Variants in KATNAL2 observed in about 807,000 individuals in gnomAD.
KATNAL2 encodes the protein katanin p60 ATPase-containing subunit A-like 2.
KATNAL2 carries 52 observed loss-of-function variants against 76.3 expected under a neutral mutation model. That is an observed-to-expected ratio of 0.68 (90% CI 0.55 to 0.86). The LOEUF (loss-of-function observed/expected upper bound fraction) is 0.86, where lower values mean the gene tolerates loss of function less well. KATNAL2 is among the 40% of genes least tolerant of loss of function. The probability of loss-of-function intolerance (pLI) is 0.00; values close to 1 mark genes in which losing one functional copy is unlikely to be tolerated. For synonymous variants in KATNAL2, 243 were observed against 244.2 expected, an observed-to-expected ratio of 1.00 and a Z score of 0.05; for missense variants, 660 against 668.9, an observed-to-expected ratio of 0.99 and a Z score of 0.15.
In KATNAL2 at chr18:47,046,478, C is replaced by G. The variant is rs932705286; in HGVS notation, c.73C>G (p.Arg25Gly). 3 of 1,535,858 alleles carry G rather than the reference C, an allele frequency of 2.0e-6. No homozygotes were observed. The highest frequency in any genetic ancestry group is 2.6e-6 in the Non-Finnish European group (3 of 1,146,750). The change falls in exon 4 of 18, where the codon CGA becomes GGA. Residue 25 changes from arginine to glycine, a missense_variant. By Grantham distance (125) the Arg-to-Gly change is moderately radical. Coordinates refer to ENST00000683218, the MANE Select transcript of KATNAL2 (RefSeq NM_001387690.1). ...CCAGTGCGAGATGAGGACAGAAGCA[C>G]GACGAAAAAATCTTCTCATTTTGAT... ...REACEMRTEA[R>G]RKNLLILISH...
chr18:46,935,429 C>T (rs998876548), intron 1 of KATNAL2, among the ~76,000 whole-genome samples: 2 of 151,948 alleles, frequency 1.3e-5, no homozygotes, highest in African/African-American at 2.4e-5. Context: ...AAGGAGGTGC[C>T]GCCACCTCTT....
intron 1 of KATNAL2, among the ~76,000 whole-genome samples, chr18:46,940,021 C>T (rs2059202168): frequency 6.6e-6 from 1 of 152,194 alleles, no homozygotes; most frequent in South Asian, 2.1e-4. Flanking sequence ...CAGTCCTTTC[C>T]ACTCCTTGTC....
chr18:46,932,489 A>C (rs1046651862), intron 1 of KATNAL2, among the ~76,000 whole-genome samples: 1 of 151,384 alleles, frequency 6.6e-6, no homozygotes, highest in Non-Finnish European at 1.5e-5. Flanking sequence ...AGCCTGGCCA[A>C]TGTGGTGAAA....
At chr18:46,937,339 G>A (rs1224351117) in intron 1 of KATNAL2, among the ~76,000 whole-genome samples, 2 of 152,078 alleles carry the variant, frequency 1.3e-5, no homozygotes, top group South Asian at 2.1e-4. Context: ...CAGCCTAGAG[G>A]AGACTAAGGA....
At position 46,950,587 on chromosome 18, in the gene KATNAL2, G is replaced by A. The variant is rs558496129; in HGVS notation, c.51+3664G>A. On this transcript the variant is annotated intron_variant, in intron 3 of 17. Coordinates refer to ENST00000683218, the MANE Select transcript of KATNAL2 (RefSeq NM_001387690.1). Reference sequence around the variant, plus strand: ...AGTTCAACAAAATTTGAAAAAAAACGAATCTCCTGCTTCACCTCAACTGGC... The same window carrying A: ...AGTTCAACAAAATTTGAAAAAAAACAAATCTCCTGCTTCACCTCAACTGGC... Among the ~76,000 whole-genome samples the A allele has an allele frequency of 2.0e-5, 3 of 152,160 alleles. No homozygotes were observed. The East Asian group carries it at 5.8e-4, about 29-fold the overall frequency.
rs1599698723 is a variant in KATNAL2 at position 47,058,225 on chromosome 18, C to T, written c.333-10C>T. ...ATAATTTCTTCCAAGGTCTTTGTTC[C>T]CTCCCTTAGGATGATGAACGACAGT... On this transcript the variant is annotated splice_polypyrimidine_tract_variant and intron_variant, in intron 6 of 17. Coordinates refer to ENST00000683218, the MANE Select transcript of KATNAL2 (RefSeq NM_001387690.1). 2 of 1,579,066 alleles carry T rather than the reference C, an allele frequency of 1.3e-6. No individual in the cohort carries two copies. Among genetic ancestry groups the T allele is most frequent in the Non-Finnish European group, 1.7e-6 (2 of 1,149,000 alleles).
At chr18:46,918,983 A>ATG (rs1006551301) in intron 1 of KATNAL2, among the ~76,000 whole-genome samples, 1 of 145,666 alleles carries the variant, frequency 6.9e-6, no homozygotes, top group Admixed American at 6.9e-5. Context: ...TTTGATATAT[A>ATG]TGTGTGTGCG....
At chr18:46,949,664 G>A (rs756757754) in intron 3 of KATNAL2, among the ~76,000 whole-genome samples, 1 of 152,158 alleles carries the variant, frequency 6.6e-6, no homozygotes, top group Non-Finnish European at 1.5e-5. Flanking sequence ...GTAATTCTGG[G>A]GGTTATCCTT....
intron 3 of KATNAL2, among the ~76,000 whole-genome samples, chr18:46,968,111 G>A (rs1204238841): frequency 1.3e-4 from 15 of 117,340 alleles, no homozygotes; most frequent in African/African-American, 4.9e-4. Context: ...TATCTTTTGT[G>A]GAGACGGGGT....
chr18:47,076,814 TAC>T (rs1449244614), intron 14 of KATNAL2, among the ~76,000 whole-genome samples: 4 of 133,764 alleles, frequency 3.0e-5, no homozygotes, highest in African/African-American at 1.1e-4. Context: ...TATATATATA[TAC>T]ACATATATAT....
intron 3 of KATNAL2, among the ~76,000 whole-genome samples, chr18:47,046,058 G>A (rs1383632621): frequency 6.6e-6 from 1 of 152,232 alleles, no homozygotes; most frequent in Non-Finnish European, 1.5e-5. Flanking sequence ...ATGGTAGCAG[G>A]TAAGTGCCTG....
intron 6 of KATNAL2, among the ~76,000 whole-genome samples, chr18:47,056,259 A>T (rs1339399384): frequency 1.3e-5 from 2 of 152,246 alleles, no homozygotes; most frequent in Non-Finnish European, 2.9e-5. Flanking sequence ...CCTCCATTAC[A>T]AAATCAGAGA....
At chr18:47,063,692 AT>A (rs1375706100) in intron 10 of KATNAL2, among the ~76,000 whole-genome samples, 1 of 152,184 alleles carries the variant, frequency 6.6e-6, no homozygotes, top group Non-Finnish European at 1.5e-5. Flanking sequence ...AGAAAAGAGT[AT>A]GTCTGCATCT....
In KATNAL2 at chr18:47,031,673, T is replaced by A. The variant is rs148127936; in HGVS notation, c.52-14784T>A. Among the ~76,000 whole-genome samples, 4 of 152,324 alleles carry A rather than the reference T, an allele frequency of 2.6e-5. No individual in the cohort carries two copies. The East Asian group carries it at 7.7e-4, about 29-fold the overall frequency. ...GGATTATTTTAGTAGAGATGGGATC[T>A]TTTTCATATTGGTCGTCCTGGTCTT... On this transcript the variant is annotated intron_variant, in intron 3 of 17. Transcript: ENST00000683218.
intron 3 of KATNAL2, among the ~76,000 whole-genome samples, chr18:47,043,352 A>T (rs181733074): frequency 1.3e-5 from 2 of 152,192 alleles, no homozygotes; most frequent in Non-Finnish European, 1.5e-5. Flanking sequence ...AAAGTAGAAT[A>T]AAGACACTTT....
At chr18:46,953,173 C>T (rs2059619615) in intron 3 of KATNAL2, among the ~76,000 whole-genome samples, 1 of 152,168 alleles carries the variant, frequency 6.6e-6, no homozygotes, top group South Asian at 2.1e-4. Flanking sequence ...GGATTACAGG[C>T]GTGAGCCACC....
At chr18:47,034,298 G>T (rs762067131) in intron 3 of KATNAL2, 4 of 1,613,486 alleles carry the variant, frequency 2.5e-6, no homozygotes, top group East Asian at 2.2e-5. Context: ...CCTGGGTCCC[G>T]GCCGTCTAGA....
chr18:47,100,412 A>C, intron 17 of KATNAL2, 56 bp downstream of exon 17: 2 of 1,409,310 alleles, frequency 1.4e-6, no homozygotes, highest in Non-Finnish European at 2.0e-6. Context: ...AATCCCTCTC[A>C]CCAGCAGATG....
intron 1 of KATNAL2, among the ~76,000 whole-genome samples, chr18:46,941,351 A>T (rs960547909): frequency 6.6e-6 from 1 of 152,052 alleles, no homozygotes; most frequent in Admixed American, 6.6e-5. Flanking sequence ...AAAACAAAAA[A>T]CAAACAAACA....
Sources: allele counts gnomAD v4.1 joint callset (sites outside exome capture counted in the v4.1 genomes callset), GRCh38; gene constraint gnomAD v4.1.1; transcripts MANE v1.5; gene names NCBI Gene and HGNC (gene_info 2026-07-23, HGNC 2026-07-21).